The following USP22 variants were observed in gnomAD, a reference collection of about 807,000 sequenced individuals.
The protein encoded by USP22 is ubiquitin specific peptidase 22, also known as ubiquitin carboxyl-terminal hydrolase 22.
In USP22, 22 loss-of-function variants were observed where a neutral mutation model predicts 68.1. The ratio of observed to expected loss-of-function variants is 0.32; its 90% confidence interval spans 0.23 to 0.46. USP22 has a LOEUF of 0.46. Among genes scored for constraint, USP22 ranks in the 20% least tolerant of loss-of-function variants. USP22 has a pLI of 1.00. For missense variants in USP22, 433 were observed against 695.8 expected (o/e 0.62, Z 4.25); for synonymous variants, 279 against 274.2 (o/e 1.02, Z -0.17).
At chr17:21,018,735 C>A (rs1972119106) in intron 4 of USP22, among the ~76,000 whole-genome samples, 1 of 152,212 alleles carries the variant, frequency 6.6e-6, no homozygotes, top group African/African-American at 2.4e-5. Flanking sequence ...GGTATTCCCT[C>A]AATTTGTAGA....
At chr17:21,005,864 T>C (rs1308579846) in intron 10 of USP22, among the ~76,000 whole-genome samples, 1 of 152,176 alleles carries the variant, frequency 6.6e-6, no homozygotes, top group South Asian at 2.1e-4. Context: ...AAAGTAAAGA[T>C]GTTGAGATGA....
chr17:21,037,375 A>G (rs9898265), intron 1 of USP22, among the ~76,000 whole-genome samples: 113,493 of 152,104 alleles, frequency 0.75, 42,820 homozygotes, highest in South Asian at 0.82. Context: ...GAGTCACTCC[A>G]CAGTGGAGAA....
At chr17:21,005,208 C>T (rs529922570) in intron 10 of USP22, 95 of 559,138 alleles carry the variant, frequency 1.7e-4, no homozygotes, top group Non-Finnish European at 2.5e-4. Context: ...CCTGAGGCCA[C>T]CTGGCGTGGC....
intron 2 of USP22, among the ~76,000 whole-genome samples, chr17:21,024,378 C>T (rs1358695871): frequency 6.6e-6 from 1 of 152,148 alleles, no homozygotes; most frequent in East Asian, 1.9e-4. Flanking sequence ...TTCTTTAAGA[C>T]GCCTTCACAC....
At chr17:21,043,141 G>T (rs1177058013), upstream of USP22, 17 of 36,666 alleles carry the variant, frequency 4.6e-4, no homozygotes, top group Non-Finnish European at 5.9e-4. Context: ...CCCCCCTCCC[G>T]GCCGGCACCG....
At position 21,000,358 on chromosome 17, in the gene USP22, C is replaced by G. The variant is rs887237314; in HGVS notation, c.*2673G>C. ...CTAATGCAAGGGGCAGTGCCAGGGC[C>G]GCCGCCGCCTCCTGTGAGCAGCTCT... On this transcript the variant is annotated 3_prime_UTR_variant, in exon 13 of 13. Coordinates refer to ENST00000261497, the MANE Select transcript of USP22 (RefSeq NM_015276.2). 6.6e-6 allele frequency: 1 copy of G among 152,278 alleles called. No homozygotes were observed. Among genetic ancestry groups the G allele is most frequent in the Non-Finnish European group, 1.5e-5 (1 of 68,106 alleles). 9.4% of individuals were successfully genotyped at this position (152,278 alleles called of 1,614,324 possible). A position where few individuals can be genotyped will look rare whatever the true frequency, so the allele number is the denominator to read the frequency against.
intron 6 of USP22, among the ~76,000 whole-genome samples, chr17:21,014,652 C>T (rs971576291): frequency 3.9e-5 from 6 of 152,132 alleles, no homozygotes; most frequent in East Asian, 3.9e-4. Flanking sequence ...GCCTAGGGCC[C>T]GGGTGCACAG....
intron 12 of USP22, 106 bp downstream of exon 12, chr17:21,004,096 A>G: frequency 2.8e-6 from 4 of 1,454,394 alleles, no homozygotes; most frequent in Non-Finnish European, 3.7e-6. Flanking sequence ...AATGAAGGTC[A>G]ACACCTTCGA....
chr17:21,042,429 G>A (rs982772716), intron 1 of USP22, among the ~76,000 whole-genome samples: 2 of 147,686 alleles, frequency 1.4e-5, no homozygotes, highest in African/African-American at 5.1e-5. Context: ...AATGGGGGAA[G>A]GGGGGAGAGG....
At chr17:21,014,671 C>T (rs111594319) in intron 6 of USP22, among the ~76,000 whole-genome samples, 1,570 of 152,208 alleles carry the variant, frequency 0.01, 27 homozygotes, top group African/African-American at 0.035. Context: ...AGCCTTGAGA[C>T]GGATGAGAAG....
At chr17:21,013,771 C>T (rs1597691577) in intron 6 of USP22, among the ~76,000 whole-genome samples, 1 of 152,246 alleles carries the variant, frequency 6.6e-6, no homozygotes. Context: ...TACAGGAAGG[C>T]GCAAAGAATG....
intron 5 of USP22, 59 bp from the exon 6 acceptor site, chr17:21,015,958 G>A: frequency 6.4e-7 from 1 of 1,568,236 alleles, no homozygotes; most frequent in Middle Eastern, 1.7e-4. Context: ...TGAACACAGA[G>A]TACACACAAT....
In USP22 at chr17:21,004,855, C is replaced by T; in HGVS notation, c.1385+73G>A. 1.4e-5 allele frequency: 22 copies of T among 1,569,588 alleles called. No homozygotes were observed. The South Asian group carries it at 2.2e-4, about 16-fold the overall frequency. On this transcript the variant is annotated intron_variant, in intron 11 of 12. Transcript: ENST00000261497. ...GGCGGGGGATCCGCTGGGCGCCCTACAAGGCAGACAGGAGCCCACCCCCAG... is the reference window on the plus strand; with the variant it reads ...GGCGGGGGATCCGCTGGGCGCCCTATAAGGCAGACAGGAGCCCACCCCCAG...
chr17:21,006,863 C>G (rs1034804461), intron 10 of USP22, 33 bp downstream of exon 10: 2 of 1,537,546 alleles, frequency 1.3e-6, no homozygotes, highest in East Asian at 2.4e-5. Context: ...CACAGCCCCT[C>G]AGGACACAGA....
At chr17:21,010,214 C>A (rs1004435805) in intron 8 of USP22, among the ~76,000 whole-genome samples, 1 of 152,130 alleles carries the variant, frequency 6.6e-6, no homozygotes, top group Admixed American at 6.5e-5. Context: ...TGCAGCCAGA[C>A]AGAAACCAAA....
chr17:21,019,056 G>A (rs1384243515), intron 4 of USP22, 28 bp downstream of exon 4: 2 of 1,606,944 alleles, frequency 1.2e-6, no homozygotes, highest in African/African-American at 2.7e-5. Flanking sequence ...AAGAAGCCTA[G>A]CTGAGAGTGA....
At chr17:21,021,582 C>T (rs1972156930) in intron 2 of USP22, among the ~76,000 whole-genome samples, 2 of 152,272 alleles carry the variant, frequency 1.3e-5, no homozygotes, top group South Asian at 4.1e-4. Context: ...GGCCACCTGA[C>T]ACGGAGTGAC....
At position 21,004,790 on chromosome 17, in the gene USP22, A is replaced by C. The variant is rs1597686850; in HGVS notation, c.1385+138T>G. 31 of 88,472 alleles carry C rather than the reference A, an allele frequency of 3.5e-4. 12 individuals carry two copies. Among genetic ancestry groups the C allele is most frequent in the South Asian group, 2.3e-3 (5 of 2,174 alleles). 5.5% of individuals were successfully genotyped at this position (88,472 alleles called of 1,614,324 possible). A position where few individuals can be genotyped will look rare whatever the true frequency, so the allele number is the denominator to read the frequency against. On this transcript the variant is annotated intron_variant, in intron 11 of 12. Coordinates refer to ENST00000261497, the MANE Select transcript of USP22 (RefSeq NM_015276.2). ...TTCCTAGTGGAGCTGCGGGCAGCCA[A>C]TAGTGGAGCTGCGGGCAGCCAAGCG...
chr17:21,036,030 C>CAAAAAAAAAAAAAAAAAAAA (rs35324126), intron 1 of USP22, among the ~76,000 whole-genome samples: 1 of 59,642 alleles, frequency 1.7e-5, no homozygotes, highest in African/African-American at 8.9e-5. Flanking sequence ...GACTCCGTCT[C>CAAAAAAAAAAAAAAAAAAAA]AAAAAAAAAA....
Sources: gnomAD v4.1 joint callset for allele counts (sites outside exome capture counted in the v4.1 genomes callset) on GRCh38, gnomAD v4.1.1 for gene constraint, MANE v1.5 for transcripts, NCBI Gene and HGNC (gene_info 2026-07-23, HGNC 2026-07-21) for gene names.